The following SOBP variants were observed in gnomAD, a reference collection of about 807,000 sequenced individuals.
The protein encoded by SOBP is sine oculis-binding protein homolog.
A neutral mutation model predicts 53.6 loss-of-function variants in SOBP; 4 were observed. The observed-to-expected ratio is 0.07, with a 90% CI of 0.04 to 0.17. SOBP has a LOEUF of 0.17. Among genes scored for constraint, SOBP ranks in the 10% least tolerant of loss-of-function variants. SOBP has a pLI of 1.00. For missense variants in SOBP, 1,088 were observed against 1,204.7 expected, an observed-to-expected ratio of 0.90 and a Z score of 1.43; for synonymous variants, 584 against 522.6, an observed-to-expected ratio of 1.12 and a Z score of -1.60.
intron 6 of SOBP, among the ~76,000 whole-genome samples, chr6:107,656,286 G>GA (rs1320068187): frequency 2.4e-5 from 3 of 127,598 alleles, no homozygotes; most frequent in Non-Finnish European, 4.8e-5. Context: ...GAGAAAGAAA[G>GA]AAAAGAAAGA....
chr6:107,497,863 A>T (rs1782739987), intron 1 of SOBP, among the ~76,000 whole-genome samples: 1 of 152,212 alleles, frequency 6.6e-6, no homozygotes, highest in African/African-American at 2.4e-5. Flanking sequence ...AACAGTCCCT[A>T]GAAGTAAAAT....
intron 3 of SOBP, among the ~76,000 whole-genome samples, chr6:107,517,904 A>G (rs187351910): frequency 6.0e-4 from 91 of 152,304 alleles, no homozygotes; most frequent in Admixed American, 1.5e-3. Context: ...AAAATCTTTC[A>G]GGTTGCTTGG....
At chr6:107,641,034 A>G (rs913787532) in intron 6 of SOBP, among the ~76,000 whole-genome samples, 1 of 152,246 alleles carries the variant, frequency 6.6e-6, no homozygotes, top group Non-Finnish European at 1.5e-5. Context: ...AGGCATTTTC[A>G]TGGGAGAAGA....
At chr6:107,534,972 G>A (rs1418256820) in intron 4 of SOBP, among the ~76,000 whole-genome samples, 1 of 152,108 alleles carries the variant, frequency 6.6e-6, no homozygotes, top group African/African-American at 2.4e-5. Context: ...ACAAACCCAG[G>A]AGTGGGCCCA....
intron 1 of SOBP, among the ~76,000 whole-genome samples, chr6:107,500,633 T>G (rs1164252380): frequency 6.6e-6 from 1 of 151,834 alleles, no homozygotes; most frequent in Non-Finnish European, 1.5e-5. Flanking sequence ...GCCATTCTCC[T>G]GCCTCAGCCT....
At chr6:107,547,739 T>C (rs894428665) in intron 4 of SOBP, among the ~76,000 whole-genome samples, 1 of 152,170 alleles carries the variant, frequency 6.6e-6, no homozygotes, top group South Asian at 2.1e-4. Context: ...GTTTAATACA[T>C]AGTACATACA....
At chr6:107,526,050 C>A (rs978861202) in intron 3 of SOBP, among the ~76,000 whole-genome samples, 1 of 152,032 alleles carries the variant, frequency 6.6e-6, no homozygotes, top group Non-Finnish European at 1.5e-5. Flanking sequence ...CAGGTTCAAG[C>A]GATTCTCCTG....
chr6:107,536,756 G>A (rs1476624234), intron 4 of SOBP, among the ~76,000 whole-genome samples: 1 of 152,172 alleles, frequency 6.6e-6, no homozygotes, highest in Non-Finnish European at 1.5e-5. Flanking sequence ...ACTGCCAGGA[G>A]AGGACCATGA....
At chr6:107,506,896 A>G (rs1783010700) in intron 3 of SOBP, among the ~76,000 whole-genome samples, 1 of 152,016 alleles carries the variant, frequency 6.6e-6, no homozygotes, top group Non-Finnish European at 1.5e-5. Context: ...TGTCTACTAA[A>G]AATACAAAAA....
chr6:107,584,152 T>C (rs1400783935), intron 4 of SOBP, among the ~76,000 whole-genome samples: 2 of 151,880 alleles, frequency 1.3e-5, no homozygotes, highest in Non-Finnish European at 2.9e-5. Flanking sequence ...CGCCCTTCTT[T>C]GGTACATTAC....
intron 5 of SOBP, among the ~76,000 whole-genome samples, chr6:107,609,815 C>CA (rs1329543646): frequency 6.6e-6 from 1 of 152,108 alleles, no homozygotes; most frequent in Non-Finnish European, 1.5e-5. Flanking sequence ...AAAGTGGGAG[C>CA]AAAGCACTAA....
intron 5 of SOBP, among the ~76,000 whole-genome samples, chr6:107,592,383 G>A (rs1785787446): frequency 6.6e-6 from 1 of 152,148 alleles, no homozygotes; most frequent in African/African-American, 2.4e-5. Flanking sequence ...GAACTTTTCT[G>A]CTAGATCATG....
At chr6:107,655,031 C>G (rs1179849783) in intron 6 of SOBP, among the ~76,000 whole-genome samples, 1 of 152,140 alleles carries the variant, frequency 6.6e-6, no homozygotes, top group Non-Finnish European at 1.5e-5. Context: ...GGTCACATAG[C>G]CAGTCAGAGG....
intron 5 of SOBP, among the ~76,000 whole-genome samples, chr6:107,595,788 A>G (rs1402688181): frequency 6.6e-6 from 1 of 152,164 alleles, no homozygotes; most frequent in Non-Finnish European, 1.5e-5. Flanking sequence ...GAAGAATGAC[A>G]TATGTGAGTA....
rs745477007 is a variant in SOBP, at chr6:107,595,350, CTTTTTTTTTTTTT to C, written c.669+8186_669+8198del. The stretch of plus-strand genomic sequence containing the variant: ...AGTCTGACTGCTATAGATTTTGATC[CTTTTTTTTTTTTT>C]TTTTTTTTTTAGGATCACTAAGGCT... On this transcript the variant is annotated intron_variant, in intron 5 of 6. Coordinates refer to ENST00000317357, the MANE Select transcript of SOBP (RefSeq NM_018013.4). 2.3e-5 allele frequency among the ~76,000 whole-genome samples: 2 copies of C among 88,142 alleles called. 1 individual carries two copies. The allele number at this position is 88,142 out of a possible 152,430, so 57.8% of individuals were successfully genotyped here. A position where few individuals can be genotyped will look rare whatever the true frequency, so the allele number is the denominator to read the frequency against.
chr6:107,529,991 C>G (rs886884578), intron 3 of SOBP, among the ~76,000 whole-genome samples: 2 of 151,976 alleles, frequency 1.3e-5, no homozygotes, highest in African/African-American at 4.8e-5. Context: ...GTTATACAAA[C>G]CGTTCTCTTT....
chr6:107,513,111 G>A (rs531825313), intron 3 of SOBP, among the ~76,000 whole-genome samples: 8 of 152,166 alleles, frequency 5.3e-5, no homozygotes, highest in African/African-American at 7.2e-5. Context: ...CTGTCCATAC[G>A]GCACAGACAG....
chr6:107,546,146 C>T (rs1274015373), intron 4 of SOBP, among the ~76,000 whole-genome samples: 3 of 152,112 alleles, frequency 2.0e-5, no homozygotes, highest in Non-Finnish European at 4.4e-5. Flanking sequence ...CGGAAAGCAA[C>T]CAAAAATAGT....
chr6:107,556,924 A>G (rs1784627892), intron 4 of SOBP, among the ~76,000 whole-genome samples: 1 of 152,246 alleles, frequency 6.6e-6, no homozygotes, highest in African/African-American at 2.4e-5. Flanking sequence ...AACATATTAT[A>G]TAATGAGCCT....
Sources: gnomAD v4.1 joint callset for allele counts (sites outside exome capture counted in the v4.1 genomes callset) on GRCh38, gnomAD v4.1.1 for gene constraint, MANE v1.5 for transcripts, NCBI Gene and HGNC (gene_info 2026-07-23, HGNC 2026-07-21) for gene names.